Variants in BRWD1 observed in about 807,000 individuals in gnomAD.
The protein encoded by BRWD1 is bromodomain and WD repeat domain containing 1, also known as bromodomain and WD repeat-containing protein 1.
In BRWD1, 82 loss-of-function variants were observed where a neutral mutation model predicts 251.2. The observed-to-expected ratio is 0.33, with a 90% CI of 0.27 to 0.39. The LOEUF (loss-of-function observed/expected upper bound fraction) is 0.39. Among genes scored for constraint, BRWD1 ranks in the 10% least tolerant of loss-of-function variants. The pLI, the probability that BRWD1 is intolerant of heterozygous loss-of-function variation, is 1.00. For missense variants in BRWD1, 2,233 were observed against 2,711.6 expected (o/e 0.82, Z 3.92); for synonymous variants, 918 against 902.8 (o/e 1.02, Z -0.30).
At position 39,197,393 on chromosome 21, in the gene BRWD1, T is replaced by C. The variant is rs752272854; in HGVS notation, c.5676A>G (p.Gly1892=). Residue 1892 remains glycine (G), a synonymous_variant, in exon 41 of 41, where the codon GGA becomes GGG. Transcript: ENST00000342449. The stretch of plus-strand genomic sequence containing the variant: ...TTTTCCTGGAAATTTTTCTGCTTAG[T>C]CCATTGTCTTGTGATGCAGAATCTA... ...FMKDSASQDN[G]LSRKISRKRV... 1.9e-5 allele frequency: 30 copies of C among 1,594,742 alleles called. No homozygotes were observed. In the South Asian group the frequency reaches 3.3e-4, roughly 18 times the overall value.
chr21:39,224,221 G>A (rs116238302), intron 29 of BRWD1, among the ~76,000 whole-genome samples, 187 bp downstream of exon 29: 2,312 of 152,236 alleles, frequency 0.015, 56 homozygotes, highest in African/African-American at 0.053. Context: ...AAATCAAGCT[G>A]GAATCTAAGG....
intron 21 of BRWD1, among the ~76,000 whole-genome samples, chr21:39,240,195 A>G (rs568264280): frequency 6.6e-6 from 1 of 152,368 alleles, no homozygotes; most frequent in East Asian, 1.9e-4. Flanking sequence ...CTACAAAGAT[A>G]AAACTATGAA....
chr21:39,309,121 C>T (rs1333186492), intron 4 of BRWD1, among the ~76,000 whole-genome samples: 2 of 151,810 alleles, frequency 1.3e-5, no homozygotes, highest in East Asian at 1.9e-4. Context: ...TTGCAGTGAG[C>T]CGAGATCACA....
chr21:39,228,142 G>C (rs528175463), intron 27 of BRWD1, among the ~76,000 whole-genome samples: 1 of 152,162 alleles, frequency 6.6e-6, no homozygotes, highest in Admixed American at 6.5e-5. Context: ...ACAAAAATTA[G>C]CCGGGCGTAG....
intron 23 of BRWD1, among the ~76,000 whole-genome samples, chr21:39,233,986 C>T (rs746761873): frequency 6.6e-6 from 1 of 152,144 alleles, no homozygotes; most frequent in Non-Finnish European, 1.5e-5. Flanking sequence ...CCCCACTGCG[C>T]TCCAGCCTGG....
At chr21:39,218,031 A>T in intron 31 of BRWD1, 121 bp downstream of exon 31, 2 of 1,094,354 alleles carry the variant, frequency 1.8e-6, no homozygotes, top group Non-Finnish European at 2.5e-6. Context: ...AATGAAAGAG[A>T]ATAATGAAAC....
At position 39,313,613 on chromosome 21, in the gene BRWD1, C is replaced by G; in HGVS notation, c.-122G>C. On this transcript the variant is annotated 5_prime_UTR_variant, in exon 1 of 41. Transcript: ENST00000342449. Reference sequence around the variant, plus strand: ...CGCGCCGCCGCCGCCGCCGCCGCCGCCATACCGTGCGCGCCGCCTGGACCG... The same window carrying G: ...CGCGCCGCCGCCGCCGCCGCCGCCGGCATACCGTGCGCGCCGCCTGGACCG... 1 of 780,826 alleles carries G rather than the reference C, an allele frequency of 1.3e-6. No homozygotes were observed. The highest frequency in any genetic ancestry group is 1.7e-6 in the Non-Finnish European group (1 of 579,164). 48.4% of individuals were successfully genotyped at this position (780,826 alleles called of 1,614,324 possible). A position where few individuals can be genotyped will look rare whatever the true frequency, so the allele number is the denominator to read the frequency against.
At chr21:39,300,477 A>G (rs2036079339) in intron 4 of BRWD1, among the ~76,000 whole-genome samples, 1 of 152,258 alleles carries the variant, frequency 6.6e-6, no homozygotes, top group African/African-American at 2.4e-5. Flanking sequence ...CCAAATGTCA[A>G]ACTCTGCTGG....
At chr21:39,284,120 C>T (rs1356540409) in intron 8 of BRWD1, among the ~76,000 whole-genome samples, 7 of 152,140 alleles carry the variant, frequency 4.6e-5, no homozygotes, top group Non-Finnish European at 8.8e-5. Flanking sequence ...ATATGCTGAT[C>T]CTCTCTTTTG....
chr21:39,284,219 T>C lies in BRWD1; in HGVS notation c.832-3971A>G, dbSNP rs150134670. On this transcript the variant is annotated intron_variant, in intron 8 of 40. Transcript: ENST00000342449. ...TCCAGCTGGGTAGGGTGGCTCATGC[T>C]TATAAAGCCCAGTGCTTTGGGAGGC... Among the ~76,000 whole-genome samples, 326 of 152,348 alleles carry C rather than the reference T, an allele frequency of 2.1e-3. 1 individual carries two copies. Among genetic ancestry groups the C allele is most frequent in the African/African-American group, 7.4e-3 (309 of 41,590 alleles).
In BRWD1 at chr21:39,185,693, G is replaced by C. The variant is rs1333881878; in HGVS notation, c.*10566C>G. 1.2e-5 allele frequency: 1 copy of C among 85,900 alleles called. No homozygotes were observed. The highest frequency in any genetic ancestry group is 2.3e-5 in the Non-Finnish European group (1 of 42,630). The allele number at this position is 85,900 out of a possible 1,614,324, so 5.3% of individuals were successfully genotyped here. A position where few individuals can be genotyped will look rare whatever the true frequency, so the allele number is the denominator to read the frequency against. On this transcript the variant is annotated 3_prime_UTR_variant, in exon 41 of 41. Transcript: ENST00000342449. ...AATTTCTCAAGTATTTTAGACACTT[G>C]GTTCATCTGTATAACAAAAAAAAAA...
intron 32 of BRWD1, among the ~76,000 whole-genome samples, chr21:39,214,229 T>A (rs2146503291): frequency 6.6e-6 from 1 of 152,244 alleles, no homozygotes; most frequent in African/African-American, 2.4e-5. Flanking sequence ...CTCACTAGAA[T>A]AGAGCAGACT....
chr21:39,297,880 A>G (rs1326136505), intron 5 of BRWD1: 1 of 983,816 alleles, frequency 1.0e-6, no homozygotes, highest in Non-Finnish European at 1.2e-6. Context: ...AGTCATATAT[A>G]CCAAGCTAAC....
At chr21:39,206,998 A>T (rs1018652885) in intron 36 of BRWD1, among the ~76,000 whole-genome samples, 1 of 152,238 alleles carries the variant, frequency 6.6e-6, no homozygotes, top group Non-Finnish European at 1.5e-5. Flanking sequence ...CAATACCAGA[A>T]AACTTTTTTA....
intron 7 of BRWD1, among the ~76,000 whole-genome samples, chr21:39,295,173 A>ATTTTT (rs2035922838): frequency 1.1e-5 from 1 of 88,218 alleles, no homozygotes; most frequent in Non-Finnish European, 2.1e-5. Flanking sequence ...AGGTATGTCT[A>ATTTTT]TGTTTTTTTT....
At position 39,187,719 on chromosome 21, in the gene BRWD1, T is replaced by C. The variant is rs1258557164; in HGVS notation, c.*8540A>G. The C allele has an allele frequency of 4.1e-6, 4 of 985,174 alleles. No individual in the cohort carries two copies. The highest frequency in any genetic ancestry group is 3.6e-6 in the Non-Finnish European group (3 of 829,796). 61.0% of individuals were successfully genotyped at this position (985,174 alleles called of 1,614,324 possible). On this transcript the variant is annotated 3_prime_UTR_variant, in exon 41 of 41. Coordinates refer to ENST00000342449, the MANE Select transcript of BRWD1 (RefSeq NM_033656.4). ...TCTAAAAACATATATATGAGCATTT[T>C]ACATAATTTGAATTACTAAATCTTA...
rs530508200 is a variant in BRWD1 at position 39,310,136 on chromosome 21, G to A, written c.198+2705C>T. On this transcript the variant is annotated intron_variant, in intron 4 of 40. Coordinates refer to ENST00000342449, the MANE Select transcript of BRWD1 (RefSeq NM_033656.4). ...GTCATTTATTCTATTATTTTTGTTT[G>A]AAGATGTCCATTGATAGTTTCTTAA... Among the ~76,000 whole-genome samples the A allele has an allele frequency of 7.9e-5, 12 of 152,330 alleles. No individual in the cohort carries two copies. In the South Asian group the frequency reaches 2.5e-3, roughly 32 times the overall value.
At chr21:39,218,052 A>C (rs1422355938) in intron 31 of BRWD1, 100 bp downstream of exon 31, 1 of 1,249,622 alleles carries the variant, frequency 8.0e-7, no homozygotes, top group African/African-American at 1.5e-5. Context: ...AGAAAATGCT[A>C]ATCAGCCCCC....
At position 39,189,968 on chromosome 21, in the gene BRWD1, T is replaced by C. The variant is rs1231767987; in HGVS notation, c.*6291A>G. ...TTCAGTCATGGGTTTACAAAGTCAT[T>C]GAGTGCTTGAGGACTTGTTTTCCTG... On this transcript the variant is annotated 3_prime_UTR_variant, in exon 41 of 41. Coordinates refer to ENST00000342449, the MANE Select transcript of BRWD1 (RefSeq NM_033656.4). 2 of 985,420 alleles carry C rather than the reference T, an allele frequency of 2.0e-6. No individual in the cohort carries two copies. Among genetic ancestry groups the C allele is most frequent in the Non-Finnish European group, 2.4e-6 (2 of 829,908 alleles). The allele number at this position is 985,420 out of a possible 1,614,324, so 61.0% of individuals were successfully genotyped here.
Sources: allele counts gnomAD v4.1 joint callset (sites outside exome capture counted in the v4.1 genomes callset), GRCh38; gene constraint gnomAD v4.1.1; transcripts MANE v1.5; gene names NCBI Gene and HGNC (gene_info 2026-07-23, HGNC 2026-07-21).